Variants in AUTS2 observed in about 807,000 individuals in gnomAD.
AUTS2 encodes activator of transcription and developmental regulator AUTS2, also known as autism susceptibility gene 2 protein.
A neutral mutation model predicts 112.4 loss-of-function variants in AUTS2; 17 were observed. The ratio of observed to expected loss-of-function variants is 0.15; its 90% CI spans 0.10 to 0.23. The LOEUF (loss-of-function observed/expected upper bound fraction) is 0.23, where lower values mean the gene tolerates loss of function less well. Ranked by LOEUF, AUTS2 falls within the 10% of genes least tolerant of loss-of-function variation. The pLI, the probability that AUTS2 is intolerant of heterozygous loss-of-function variation, is 1.00. For synonymous variants in AUTS2, 751 were observed against 702.7 expected (o/e 1.07, Z -1.09); for missense variants, 1,510 against 1,701.6 (o/e 0.89, Z 1.98).
At chr7:69,820,087 A>G (rs569547581) in intron 1 of AUTS2, among the ~76,000 whole-genome samples, 1 of 152,286 alleles carries the variant, frequency 6.6e-6, no homozygotes, top group East Asian at 1.9e-4. Context: ...CCCTTCTTCA[A>G]TCAGATGGTA....
intron 2 of AUTS2, among the ~76,000 whole-genome samples, chr7:70,088,484 C>T (rs567880506): frequency 2.8e-4 from 42 of 150,988 alleles, no homozygotes; most frequent in African/African-American, 1.0e-3. Flanking sequence ...TTGGTTTCTA[C>T]TCTTATCGTT....
At chr7:70,554,764 G>C (rs1801177967) in intron 5 of AUTS2, among the ~76,000 whole-genome samples, 1 of 152,146 alleles carries the variant, frequency 6.6e-6, no homozygotes, top group Non-Finnish European at 1.5e-5. Flanking sequence ...CTGAAAAGCT[G>C]TCCAGGACCC....
At chr7:70,192,064 T>C (rs1290487218) in intron 4 of AUTS2, among the ~76,000 whole-genome samples, 1 of 152,176 alleles carries the variant, frequency 6.6e-6, no homozygotes, top group African/African-American at 2.4e-5. Flanking sequence ...TTTACCTCTG[T>C]AGTTTTAGGC....
intron 5 of AUTS2, among the ~76,000 whole-genome samples, chr7:70,506,169 A>T (rs149773835): frequency 6.6e-6 from 1 of 152,324 alleles, no homozygotes; most frequent in African/African-American, 2.4e-5. Flanking sequence ...GGAGCCAATC[A>T]GGATCATAAC....
At chr7:70,601,041 A>G (rs1301848071) in intron 5 of AUTS2, among the ~76,000 whole-genome samples, 3 of 152,220 alleles carry the variant, frequency 2.0e-5, no homozygotes, top group African/African-American at 4.8e-5. Flanking sequence ...GTCAATACCT[A>G]GGAGTTGCTC....
chr7:70,768,608 G>T (rs1171873906), intron 10 of AUTS2, among the ~76,000 whole-genome samples: 2 of 151,872 alleles, frequency 1.3e-5, no homozygotes, highest in Admixed American at 1.3e-4. Context: ...TTAATTAAAA[G>T]AAACTCCCAA....
intron 4 of AUTS2, among the ~76,000 whole-genome samples, chr7:70,434,145 T>C (rs941429992): frequency 1.3e-5 from 2 of 152,198 alleles, no homozygotes; most frequent in Non-Finnish European, 2.9e-5. Context: ...CTTTTCTTTG[T>C]TTACTGGGGA....
At chr7:69,748,044 T>A (rs1453487157) in intron 1 of AUTS2, among the ~76,000 whole-genome samples, 2 of 151,752 alleles carry the variant, frequency 1.3e-5, no homozygotes, top group Non-Finnish European at 2.9e-5. Flanking sequence ...GGATTTTTTC[T>A]TTAGGGTTCC....
chr7:70,527,719 G>A (rs1170483166), intron 5 of AUTS2, among the ~76,000 whole-genome samples: 1 of 152,174 alleles, frequency 6.6e-6, no homozygotes, highest in East Asian at 1.9e-4. Context: ...AACTCTACAG[G>A]GAAGTTGTTA....
chr7:70,212,456 G>C (rs1327180779), intron 4 of AUTS2, among the ~76,000 whole-genome samples: 1 of 152,140 alleles, frequency 6.6e-6, no homozygotes, highest in Non-Finnish European at 1.5e-5. Context: ...ATACTTCTAC[G>C]TTACCTAGCT....
chr7:69,718,894 A>G (rs894105371), intron 1 of AUTS2, among the ~76,000 whole-genome samples: 3 of 152,190 alleles, frequency 2.0e-5, no homozygotes, highest in Admixed American at 1.3e-4. Flanking sequence ...TGGGTGGTTT[A>G]TCACTGCTTA....
intron 4 of AUTS2, among the ~76,000 whole-genome samples, chr7:70,328,775 A>C (rs1790610255): frequency 2.0e-5 from 3 of 152,232 alleles, no homozygotes; most frequent in Non-Finnish European, 4.4e-5. Flanking sequence ...CTTTTAAAAA[A>C]ATCGTTTGAG....
At chr7:70,023,326 T>C (rs747879156) in intron 2 of AUTS2, among the ~76,000 whole-genome samples, 5 of 152,232 alleles carry the variant, frequency 3.3e-5, no homozygotes, top group Non-Finnish European at 7.3e-5. Flanking sequence ...TTCCAGTTCT[T>C]TAAACATTAC....
chr7:69,673,958 A>G (rs1796447499), intron 1 of AUTS2, among the ~76,000 whole-genome samples: 2 of 152,246 alleles, frequency 1.3e-5, no homozygotes, highest in African/African-American at 2.4e-5. Flanking sequence ...GTGAGTTTAT[A>G]TATTTTTCTA....
intron 4 of AUTS2, among the ~76,000 whole-genome samples, chr7:70,244,571 C>T (rs1240284344): frequency 6.6e-6 from 1 of 152,166 alleles, no homozygotes; most frequent in Admixed American, 6.5e-5. Flanking sequence ...TCTCATCCCT[C>T]TAAAGAACAC....
chr7:70,786,397 A>G (rs548275321), intron 17 of AUTS2, among the ~76,000 whole-genome samples: 2 of 152,342 alleles, frequency 1.3e-5, no homozygotes, highest in East Asian at 1.9e-4. Flanking sequence ...GTTACATTTC[A>G]TCTTGCCCGT....
At chr7:70,092,468 C>G (rs1584709609) in intron 2 of AUTS2, among the ~76,000 whole-genome samples, 1 of 152,202 alleles carries the variant, frequency 6.6e-6, no homozygotes, top group African/African-American at 2.4e-5. Flanking sequence ...AATACACTGG[C>G]AGCAAAATCC....
intron 4 of AUTS2, among the ~76,000 whole-genome samples, chr7:70,328,769 T>TA (rs1377991912): frequency 2.0e-5 from 3 of 152,158 alleles, no homozygotes; most frequent in African/African-American, 4.8e-5. Context: ...TTATTTCTTT[T>TA]AAAAAAATCG....
At chr7:70,192,445 C>T (rs77400120) in intron 4 of AUTS2, among the ~76,000 whole-genome samples, 1 of 152,138 alleles carries the variant, frequency 6.6e-6, no homozygotes, top group Admixed American at 6.5e-5. Flanking sequence ...TTTTAAGTCA[C>T]TTCTGATATG....
Sources: gnomAD v4.1 joint callset for allele counts (sites outside exome capture counted in the v4.1 genomes callset) on GRCh38, gnomAD v4.1.1 for gene constraint, MANE v1.5 for transcripts, NCBI Gene and HGNC (gene_info 2026-07-23, HGNC 2026-07-21) for gene names.